DDAH1: variants seen among roughly 807,000 people sequenced by gnomAD.
DDAH1 encodes the protein dimethylarginine dimethylaminohydrolase 1, also known as N(G),N(G)-dimethylarginine dimethylaminohydrolase 1.
Under a neutral mutation model 28.8 loss-of-function variants are expected in DDAH1, and 19 were observed. The observed-to-expected ratio is 0.66, with a 90% CI of 0.46 to 0.97. The LOEUF is 0.97. Among genes scored for constraint, DDAH1 ranks in the 50% least tolerant of loss-of-function variants. The pLI is 0.00. For missense variants in DDAH1, 326 were observed against 375.9 expected, an observed-to-expected ratio of 0.87 and a Z score of 1.10; for synonymous variants, 153 against 154.4, an observed-to-expected ratio of 0.99 and a Z score of 0.07.
chr1:85,489,909 G>T (rs1055452541), intron 2 of DDAH1, among the ~76,000 whole-genome samples: 4 of 152,120 alleles, frequency 2.6e-5, no homozygotes, highest in African/African-American at 9.7e-5. Flanking sequence ...TTTTTGAAAT[G>T]ATCACGGAGG....
Position 85,554,835 on chromosome 1 carries a change from G to A in DDAH1, c.-123+23149C>T, listed in dbSNP as rs539014883. Among the ~76,000 whole-genome samples the A allele has an allele frequency of 3.3e-5, 5 of 152,310 alleles. No homozygotes were observed. In the South Asian group the frequency reaches 1.0e-3, roughly 32 times the overall value. Reference sequence around the variant, plus strand: ...TACAGTACCTCACATTGCCTGTCCTGAATCAAGACACCTTTGCCTGCACAG... The same window carrying A: ...TACAGTACCTCACATTGCCTGTCCTAAATCAAGACACCTTTGCCTGCACAG... On this transcript the variant is annotated intron_variant, in intron 1 of 6. Transcript: ENST00000426972.
At chr1:85,454,898 C>A (rs1392190961) in intron 1 of DDAH1, among the ~76,000 whole-genome samples, 3 of 152,046 alleles carry the variant, frequency 2.0e-5, no homozygotes, top group African/African-American at 7.2e-5. Context: ...AGGCCGAAGC[C>A]TTAATGATGT....
chr1:85,458,477 G>A (rs1654997878), intron 1 of DDAH1, among the ~76,000 whole-genome samples: 1 of 144,104 alleles, frequency 6.9e-6, no homozygotes, highest in Non-Finnish European at 1.5e-5. Context: ...TTGCTAGGCT[G>A]GAGTGCAGTG....
At chr1:85,497,610 T>TGTGAACATATATTTTAACTGAG (rs1553142119) in intron 1 of DDAH1, among the ~76,000 whole-genome samples, 1 of 152,236 alleles carries the variant, frequency 6.6e-6, no homozygotes, top group Non-Finnish European at 1.5e-5. Flanking sequence ...TAAAGTATAA[T>TGTGAACATATATTTTAACTGAG]GTGAACATAT....
chr1:85,554,965 G>A (rs1391503867), intron 1 of DDAH1, among the ~76,000 whole-genome samples: 1 of 152,214 alleles, frequency 6.6e-6, no homozygotes, highest in African/African-American at 2.4e-5. Flanking sequence ...ATTTAAGAGG[G>A]AGTGCTAAGT....
intron 1 of DDAH1, among the ~76,000 whole-genome samples, chr1:85,511,696 T>G (rs1258323747): frequency 6.6e-6 from 1 of 152,114 alleles, no homozygotes; most frequent in Non-Finnish European, 1.5e-5. Context: ...AAATACAAAC[T>G]ACCATCAGAA....
chr1:85,428,371 G>A (rs1344774338), intron 1 of DDAH1, among the ~76,000 whole-genome samples: 4 of 152,192 alleles, frequency 2.6e-5, no homozygotes, highest in African/African-American at 9.7e-5. Flanking sequence ...CATGGTGGCA[G>A]GCAAGAGTGT....
In DDAH1 at chr1:85,465,089, G is replaced by A; in HGVS notation, c.-44C>T. 1.7e-6 allele frequency: 2 copies of A among 1,206,006 alleles called. No individual in the cohort carries two copies. The highest frequency in any genetic ancestry group is 1.6e-5 in the African/African-American group (1 of 63,124). 74.7% of individuals were successfully genotyped at this position (1,206,006 alleles called of 1,614,324 possible). A position where few individuals can be genotyped will look rare whatever the true frequency, so the allele number is the denominator to read the frequency against. ...GGCGGCGGCGGCGGCGGAGGCGGCC[G>A]GGTCCTGCCGCGGGCAGCGCGCGCT... On this transcript the variant is annotated 5_prime_UTR_variant, in exon 1 of 6. Coordinates refer to ENST00000284031, the MANE Select transcript of DDAH1 (RefSeq NM_012137.4).
intron 1 of DDAH1, among the ~76,000 whole-genome samples, chr1:85,452,985 G>GT (rs1216018919): frequency 6.6e-6 from 1 of 152,156 alleles, no homozygotes; most frequent in African/African-American, 2.4e-5. Flanking sequence ...CCAAACCTGT[G>GT]TATGTGTGTG....
intron 2 of DDAH1, among the ~76,000 whole-genome samples, chr1:85,487,814 C>CT (rs1335429868): frequency 2.0e-5 from 3 of 152,100 alleles, no homozygotes; most frequent in South Asian, 2.1e-4. Flanking sequence ...ATTTTCTCTT[C>CT]TTTTTTTAAC....
chr1:85,446,931 G>A (rs776908711), intron 1 of DDAH1, among the ~76,000 whole-genome samples: 107 of 152,128 alleles, frequency 7.0e-4, no homozygotes, highest in Non-Finnish European at 2.5e-4. Context: ...TAGGAGAGAC[G>A]TGTGTCTCAC....
chr1:85,501,553 T>A (rs1226781835), intron 1 of DDAH1, among the ~76,000 whole-genome samples: 1 of 152,198 alleles, frequency 6.6e-6, no homozygotes, highest in Non-Finnish European at 1.5e-5. Context: ...TTTCTCTTCA[T>A]TAGCCTGACC....
chr1:85,444,114 C>G (rs1354424452), intron 1 of DDAH1, among the ~76,000 whole-genome samples: 1 of 152,136 alleles, frequency 6.6e-6, no homozygotes, highest in African/African-American at 2.4e-5. Context: ...GAAATGCTTC[C>G]AGTTTTTGCC....
At chr1:85,548,781 AG>A (rs1658703512) in intron 1 of DDAH1, among the ~76,000 whole-genome samples, 1 of 152,228 alleles carries the variant, frequency 6.6e-6, no homozygotes, top group Non-Finnish European at 1.5e-5. Flanking sequence ...AAACTAAAAG[AG>A]CCACCATACA....
At chr1:85,523,059 G>C (rs113864162) in intron 1 of DDAH1, among the ~76,000 whole-genome samples, 2,114 of 151,078 alleles carry the variant, frequency 0.014, 48 homozygotes, top group African/African-American at 0.048. Flanking sequence ...GTTGGGGGTG[G>C]GATGCACGAG....
intron 2 of DDAH1, 94 bp from the exon 3 acceptor site, chr1:85,351,673 C>T: frequency 1.1e-6 from 1 of 919,274 alleles, no homozygotes; most frequent in Non-Finnish European, 1.8e-6. Flanking sequence ...AAGCATCACA[C>T]AGTTCTCTCT....
chr1:85,321,977 G>A (rs958260852), intron 5 of DDAH1, among the ~76,000 whole-genome samples: 11 of 152,074 alleles, frequency 7.2e-5, no homozygotes, highest in African/African-American at 1.4e-4. Flanking sequence ...ACAGTGGCGC[G>A]ACCATGGCTC....
At chr1:85,331,310 A>G (rs1269845687) in intron 4 of DDAH1, among the ~76,000 whole-genome samples, 1 of 152,136 alleles carries the variant, frequency 6.6e-6, no homozygotes, top group Admixed American at 6.5e-5. Flanking sequence ...AACAATTTAG[A>G]ACTTATTGGT....
chr1:85,566,202 C>T (rs1220492475), intron 1 of DDAH1, among the ~76,000 whole-genome samples: 1 of 151,600 alleles, frequency 6.6e-6, no homozygotes, highest in East Asian at 1.9e-4. Context: ...AAAAGGTAGA[C>T]AGTATTAAAA....
Sources: gnomAD v4.1 joint callset for allele counts (sites outside exome capture counted in the v4.1 genomes callset) on GRCh38, gnomAD v4.1.1 for gene constraint, MANE v1.5 for transcripts, NCBI Gene and HGNC (gene_info 2026-07-23, HGNC 2026-07-21) for gene names.